The following CELF2 variants were observed in gnomAD, a reference collection of about 807,000 sequenced individuals.
CELF2 encodes CUGBP Elav-like family member 2, also known as CUG triplet repeat RNA-binding protein 2.
Under a neutral mutation model 62.6 loss-of-function variants are expected in CELF2, and 8 were observed. The ratio of observed to expected loss-of-function variants is 0.13; its 90% CI spans 0.07 to 0.23. The LOEUF is 0.23. Among genes scored for constraint, CELF2 ranks in the 10% least tolerant of loss-of-function variants. The probability of loss-of-function intolerance (pLI) is 1.00; values close to 1 mark genes in which losing one functional copy is unlikely to be tolerated. For synonymous variants in CELF2, 258 were observed against 250.0 expected (o/e 1.03, Z -0.30); for missense variants, 333 against 671.0 (o/e 0.50, Z 5.56).
At chr10:11,282,153 G>GTCCCTCCCTA (rs756370477) in intron 8 of CELF2, among the ~76,000 whole-genome samples, 1 of 152,018 alleles carries the variant, frequency 6.6e-6, no homozygotes, top group Admixed American at 6.6e-5. Flanking sequence ...CCCTCCATCC[G>GTCCCTCCCTA]TCCCTCCCTA....
intron 1 of CELF2, among the ~76,000 whole-genome samples, chr10:10,829,306 C>G (rs1241816657): frequency 6.6e-6 from 1 of 152,166 alleles, no homozygotes; most frequent in Non-Finnish European, 1.5e-5. Context: ...ACAGTAAAAA[C>G]AGAATAGCTT....
chr10:10,912,050 A>G (rs1205376902), intron 1 of CELF2, among the ~76,000 whole-genome samples: 2 of 152,220 alleles, frequency 1.3e-5, no homozygotes, highest in Admixed American at 6.5e-5. Flanking sequence ...AACAATACCT[A>G]GTATCACCTG....
chr10:10,833,392 C>T (rs778252199), intron 1 of CELF2, among the ~76,000 whole-genome samples: 19 of 152,150 alleles, frequency 1.2e-4, no homozygotes, highest in Admixed American at 1.2e-3. Context: ...ACTCCTTTTC[C>T]GTAGCACACA....
At chr10:11,083,324 G>C (rs1326261549) in intron 1 of CELF2, among the ~76,000 whole-genome samples, 1 of 152,208 alleles carries the variant, frequency 6.6e-6, no homozygotes, top group African/African-American at 2.4e-5. Context: ...GTGTATTTCA[G>C]CTTCTTGACT....
the CELF2 span, among the ~76,000 whole-genome samples, chr10:10,689,437 T>C: frequency 2.4e-4 from 37 of 152,194 alleles, no homozygotes; most frequent in South Asian, 6.7e-3. Flanking sequence ...ATCAACATGA[T>C]ATTTGGGTGG....
At chr10:10,496,700 T>C in the CELF2 span, among the ~76,000 whole-genome samples, 1 of 152,148 alleles carries the variant, frequency 6.6e-6, no homozygotes, top group Non-Finnish European at 1.5e-5. Flanking sequence ...TAAACTGTAT[T>C]GAAATTGTCT....
chr10:11,336,309 C>T lies in CELF2; in HGVS notation c.*7256C>T, dbSNP rs1484518854. ...TGTTTTTCATCTCTGTTGTAGTTCA[C>T]TATTTTTGCTGTGTTCTGTTTTCTC... On this transcript the variant is annotated 3_prime_UTR_variant, in exon 13 of 13. Coordinates refer to ENST00000633077, the MANE Select transcript of CELF2 (RefSeq NM_001326342.2). This position sits in a 1 kb window ranked among gnomAD's most constrained non-coding sequence, Gnocchi z 5.4. The T allele has an allele frequency of 6.6e-6, 1 of 152,670 alleles. No individual in the cohort carries two copies. The highest frequency in any genetic ancestry group is 1.5e-5 in the Non-Finnish European group (1 of 68,040). The allele number at this position is 152,670 out of a possible 1,614,324, so 9.5% of individuals were successfully genotyped here.
At chr10:10,687,705 G>C in the CELF2 span, among the ~76,000 whole-genome samples, 1 of 152,114 alleles carries the variant, frequency 6.6e-6, no homozygotes, top group Non-Finnish European at 1.5e-5. Flanking sequence ...GTTAAATTTT[G>C]TATCTAATTT....
chr10:10,768,003 A>AAAAAAAT, the CELF2 span, among the ~76,000 whole-genome samples: 4 of 131,158 alleles, frequency 3.0e-5, no homozygotes, highest in South Asian at 1.1e-3. Context: ...CTCAAAAAAA[A>AAAAAAAT]AAAAAAAAAA....
At chr10:10,486,679 G>A in the CELF2 span, among the ~76,000 whole-genome samples, 2 of 152,120 alleles carry the variant, frequency 1.3e-5, no homozygotes, top group African/African-American at 4.8e-5. Context: ...CATGTCAGTG[G>A]TGATCAAAAC....
At chr10:10,561,844 C>G in the CELF2 span, among the ~76,000 whole-genome samples, 1 of 152,198 alleles carries the variant, frequency 6.6e-6, no homozygotes, top group Non-Finnish European at 1.5e-5. Context: ...TCAGTAGAGA[C>G]AGAGAACAAG....
chr10:10,499,180 C>A, the CELF2 span, among the ~76,000 whole-genome samples: 1 of 151,552 alleles, frequency 6.6e-6, no homozygotes, highest in Non-Finnish European at 1.5e-5. Flanking sequence ...GATTCTTGTG[C>A]CTCAGCCTCC....
the CELF2 span, among the ~76,000 whole-genome samples, chr10:10,729,279 T>C: frequency 6.6e-6 from 1 of 152,314 alleles, no homozygotes; most frequent in East Asian, 1.9e-4. Flanking sequence ...AGTTTCTAAC[T>C]TTCTAAAATC....
At chr10:10,988,139 A>C (rs2052998670) in intron 2 of CELF2, among the ~76,000 whole-genome samples, 1 of 152,128 alleles carries the variant, frequency 6.6e-6, no homozygotes, top group Non-Finnish European at 1.5e-5. Flanking sequence ...GCACTTACAC[A>C]TGCTTGTTTA....
Position 11,257,715 on chromosome 10 carries a change from C to A in CELF2, c.404-23C>A. On this transcript the variant is annotated intron_variant, in intron 4 of 12. Transcript: ENST00000633077. ...AAAAAAAGATGAAATGGCCTTTGCT[C>A]ATTCGTTATTTTTATCTCCTAGCTG... 3 of 1,610,150 alleles carry A rather than the reference C, an allele frequency of 1.9e-6. No homozygotes were observed. The South Asian group carries it at 3.3e-5, about 18-fold the overall frequency.
chr10:11,275,313 A>T (rs888264117), intron 8 of CELF2, among the ~76,000 whole-genome samples, 193 bp downstream of exon 8: 1 of 152,168 alleles, frequency 6.6e-6, no homozygotes, highest in African/African-American at 2.4e-5. Flanking sequence ...TTACCTACCC[A>T]CCTTCGCTGT....
At chr10:11,225,782 A>G (rs1466016246) in intron 3 of CELF2, among the ~76,000 whole-genome samples, 4 of 152,140 alleles carry the variant, frequency 2.6e-5, no homozygotes. Flanking sequence ...TATCTATTTG[A>G]TTCCTGTCCT....
intron 2 of CELF2, among the ~76,000 whole-genome samples, chr10:11,167,838 A>G (rs1438860305): frequency 6.6e-6 from 1 of 152,196 alleles, no homozygotes; most frequent in Admixed American, 6.5e-5. Flanking sequence ...ACCAAAATCC[A>G]GAAGGTAGGT....
the CELF2 span, among the ~76,000 whole-genome samples, chr10:10,749,905 T>C: frequency 0.12 from 18,857 of 152,288 alleles, 1,422 homozygotes; most frequent in East Asian, 0.27. Context: ...GAAAAGGGCA[T>C]CTTGGTAAGA....
Sources: allele counts gnomAD v4.1 joint callset (sites outside exome capture counted in the v4.1 genomes callset), GRCh38; gene constraint gnomAD v4.1.1; non-coding constraint Gnocchi (gnomAD v3.1); transcripts MANE v1.5; gene names NCBI Gene and HGNC (gene_info 2026-07-23, HGNC 2026-07-21).